OR1J2: variants seen among roughly 807,000 people sequenced by gnomAD.
The protein encoded by OR1J2 is olfactory receptor 1J2.
For missense variants in OR1J2, 304 were observed against 246.1 expected (o/e 1.24, Z -1.57); for synonymous variants, 142 against 99.7 (o/e 1.42, Z -2.52).
the OR1J2 span, among the ~76,000 whole-genome samples, chr9:122,450,398 T>C: frequency 6.6e-6 from 1 of 152,186 alleles, no homozygotes; most frequent in African/African-American, 2.4e-5. Context: ...ACTTCTGCAC[T>C]CCAGCCTGGG....
At chr9:122,515,109 T>C (rs891468168), downstream of OR1J2, among the ~76,000 whole-genome samples, 2 of 152,148 alleles carry the variant, frequency 1.3e-5, no homozygotes, top group African/African-American at 4.8e-5. Flanking sequence ...CCTTGTGTCC[T>C]CTCCCTGGTG....
the OR1J2 span, among the ~76,000 whole-genome samples, chr9:122,533,921 G>T: frequency 6.6e-6 from 1 of 152,152 alleles, no homozygotes; most frequent in Admixed American, 6.5e-5. Context: ...GAGAAGATCT[G>T]GGAAGGAGTC....
chr9:122,495,489 T>C, the OR1J2 span, among the ~76,000 whole-genome samples: 2 of 152,088 alleles, frequency 1.3e-5, no homozygotes, highest in African/African-American at 2.4e-5. Context: ...GTTGAGACTT[T>C]CCAGTGTATT....
the OR1J2 span, among the ~76,000 whole-genome samples, chr9:122,550,481 A>C: frequency 6.6e-6 from 1 of 152,202 alleles, no homozygotes; most frequent in African/African-American, 2.4e-5. Flanking sequence ...TGGTGACAAT[A>C]GATGCAAAAA....
At chr9:122,477,978 G>T in the OR1J2 span, 1 of 1,267,364 alleles carries the variant, frequency 7.9e-7, no homozygotes, top group Non-Finnish European at 1.1e-6. Context: ...AAAATGGTAT[G>T]TCTTGGAATA....
At chr9:122,471,964 A>G in the OR1J2 span, among the ~76,000 whole-genome samples, 1 of 152,240 alleles carries the variant, frequency 6.6e-6, no homozygotes, top group African/African-American at 2.4e-5. Context: ...CCACTGGGCT[A>G]CATAAAATAC....
At chr9:122,469,725 T>G in the OR1J2 span, among the ~76,000 whole-genome samples, 1 of 152,212 alleles carries the variant, frequency 6.6e-6, no homozygotes, top group Non-Finnish European at 1.5e-5. Flanking sequence ...AAATGTATTG[T>G]TAATGATATG....
chr9:122,552,827 CA>C, the OR1J2 span, among the ~76,000 whole-genome samples: 1 of 145,782 alleles, frequency 6.9e-6, no homozygotes, highest in Non-Finnish European at 1.5e-5. Context: ...TGATGGAGAT[CA>C]TGCATCTTCT....
the OR1J2 span, among the ~76,000 whole-genome samples, chr9:122,532,937 C>T: frequency 3.9e-5 from 6 of 151,940 alleles, no homozygotes; most frequent in African/African-American, 9.7e-5. Context: ...AGAATTATGC[C>T]GAGATAGGTA....
At chr9:122,547,820 T>C in the OR1J2 span, among the ~76,000 whole-genome samples, 16 of 152,284 alleles carry the variant, frequency 1.1e-4, no homozygotes, top group Admixed American at 2.0e-4. Context: ...AGTAGTGAAA[T>C]TGCTGGATCA....
the OR1J2 span, among the ~76,000 whole-genome samples, chr9:122,497,466 C>T: frequency 6.6e-6 from 1 of 152,108 alleles, no homozygotes; most frequent in Non-Finnish European, 1.5e-5. Context: ...TAGAGGTATT[C>T]GTAATAGTCC....
chr9:122,454,362 C>CA, the OR1J2 span, among the ~76,000 whole-genome samples: 8 of 152,122 alleles, frequency 5.3e-5, no homozygotes, highest in Non-Finnish European at 1.2e-4. Flanking sequence ...ACTAAAAATA[C>CA]AAAAAATTAG....
At chr9:122,462,038 G>A in the OR1J2 span, among the ~76,000 whole-genome samples, 2 of 152,066 alleles carry the variant, frequency 1.3e-5, no homozygotes, top group African/African-American at 4.8e-5. Flanking sequence ...CACTATTACT[G>A]TGTTGCCATC....
chr9:122,464,378 G>A, the OR1J2 span, among the ~76,000 whole-genome samples: 1 of 152,212 alleles, frequency 6.6e-6, no homozygotes, highest in Admixed American at 6.5e-5. Context: ...TGTTCTGCAG[G>A]CTCCAAGCCT....
the OR1J2 span, among the ~76,000 whole-genome samples, chr9:122,450,373 G>T: frequency 6.6e-6 from 1 of 152,224 alleles, no homozygotes; most frequent in Non-Finnish European, 1.5e-5. Context: ...GGAGGTTGCA[G>T]TGAGCCAAGA....
chr9:122,537,945 G>A, the OR1J2 span, among the ~76,000 whole-genome samples: 10 of 152,278 alleles, frequency 6.6e-5, no homozygotes, highest in South Asian at 2.1e-4. Context: ...CATAAGGTGC[G>A]AATTTCTGGT....
the OR1J2 span, among the ~76,000 whole-genome samples, chr9:122,464,255 C>T: frequency 6.6e-6 from 1 of 152,222 alleles, no homozygotes; most frequent in African/African-American, 2.4e-5. Context: ...ACCCAGATCC[C>T]ATGCAGCCCA....
chr9:122,498,482 A>G, the OR1J2 span, among the ~76,000 whole-genome samples: 3 of 151,704 alleles, frequency 2.0e-5, no homozygotes, highest in African/African-American at 7.3e-5. Context: ...AACTCCAGAA[A>G]CTCCGACTGA....
upstream of OR1J2, among the ~76,000 whole-genome samples, chr9:122,508,443 C>T (rs1828570755): frequency 1.3e-5 from 2 of 152,050 alleles, no homozygotes; most frequent in Middle Eastern, 3.2e-3. Flanking sequence ...TGGATAAGAG[C>T]CCTCTCTAAC....
Sources: allele counts gnomAD v4.1 joint callset (sites outside exome capture counted in the v4.1 genomes callset), GRCh38; gene constraint gnomAD v4.1.1; transcripts MANE v1.5; gene names NCBI Gene and HGNC (gene_info 2026-07-23, HGNC 2026-07-21).